CWC25: variants seen among roughly 807,000 people sequenced by gnomAD.
CWC25 encodes the protein pre-mRNA-splicing factor CWC25 homolog.
A neutral mutation model predicts 54.6 loss-of-function variants in CWC25; 31 were observed. The ratio of observed to expected loss-of-function variants is 0.57; its 90% CI spans 0.43 to 0.77. The LOEUF (loss-of-function observed/expected upper bound fraction) is 0.77. CWC25 is among the 30% of genes least tolerant of loss of function. The pLI is 0.00. For missense variants in CWC25, 453 were observed against 529.3 expected, an observed-to-expected ratio of 0.86 and a Z score of 1.41; for synonymous variants, 151 against 187.0, an observed-to-expected ratio of 0.81 and a Z score of 1.57.
At chr17:38,824,276 T>A (rs1019277391) in intron 1 of CWC25, among the ~76,000 whole-genome samples, 24 of 152,178 alleles carry the variant, frequency 1.6e-4, no homozygotes, top group African/African-American at 5.8e-4. Context: ...CATTGCCACA[T>A]AACTTATATT....
intron 8 of CWC25, 121 bp downstream of exon 8, chr17:38,806,176 C>T: frequency 2.4e-6 from 2 of 832,330 alleles, no homozygotes; most frequent in Non-Finnish European, 3.9e-6. Flanking sequence ...TACAGGTTGG[C>T]AAGATAAATA....
chr17:38,802,674 C>T (rs941439674), intron 9 of CWC25, 26 bp downstream of exon 9: 1 of 1,612,630 alleles, frequency 6.2e-7, no homozygotes, highest in South Asian at 1.1e-5. Context: ...CCATGAAAGA[C>T]CCTGGCAGGA....
chr17:38,804,023 C>A (rs780636336), intron 8 of CWC25, among the ~76,000 whole-genome samples: 2 of 152,028 alleles, frequency 1.3e-5, no homozygotes, highest in African/African-American at 2.4e-5. Context: ...CCAACCTAGG[C>A]AACAGAGTGA....
chr17:38,816,446 C>G (rs1452913923), intron 2 of CWC25, among the ~76,000 whole-genome samples: 2 of 151,784 alleles, frequency 1.3e-5, no homozygotes, highest in African/African-American at 4.8e-5. Context: ...ACAGATGGGA[C>G]TTGCTATGTT....
intron 4 of CWC25, among the ~76,000 whole-genome samples, chr17:38,812,587 A>G (rs1391342178): frequency 6.6e-6 from 1 of 152,056 alleles, no homozygotes; most frequent in African/African-American, 2.4e-5. Context: ...AGATCATGCC[A>G]TTGCACTCCA....
At chr17:38,811,834 G>A (rs1330185921) in intron 4 of CWC25, among the ~76,000 whole-genome samples, 3 of 152,118 alleles carry the variant, frequency 2.0e-5, no homozygotes, top group Admixed American at 2.0e-4. Context: ...CAATTCCACT[G>A]AAAGCAGTCA....
intron 2 of CWC25, among the ~76,000 whole-genome samples, chr17:38,818,980 G>A (rs1397884877): frequency 6.6e-6 from 1 of 151,946 alleles, no homozygotes; most frequent in South Asian, 2.1e-4. Flanking sequence ...CTCGGCTTAT[G>A]ACTAATGGGT....
chr17:38,823,422 G>C (rs1398349269), intron 1 of CWC25, among the ~76,000 whole-genome samples: 3 of 151,158 alleles, frequency 2.0e-5, no homozygotes, highest in East Asian at 3.9e-4. Context: ...CTCCCAAAGT[G>C]CTGGGATTAC....
intron 1 of CWC25, among the ~76,000 whole-genome samples, chr17:38,821,545 C>A (rs1254565616): frequency 6.6e-6 from 1 of 152,144 alleles, no homozygotes; most frequent in Admixed American, 6.6e-5. Context: ...GGCGACAGAG[C>A]AAGACTCCGT....
At chr17:38,812,088 A>G (rs1911513293) in intron 4 of CWC25, among the ~76,000 whole-genome samples, 1 of 152,058 alleles carries the variant, frequency 6.6e-6, no homozygotes, top group East Asian at 1.9e-4. Flanking sequence ...ACAGGCATGA[A>G]CCACCACCCC....
At position 38,801,757 on chromosome 17, in the gene CWC25, A is replaced by G; in HGVS notation, c.*335T>C. ...GGTCTGGTGTACGCTGAGGCAGTGA[A>G]ATAGGTCTGTTGGCACAGGTAAGAA... On this transcript the variant is annotated 3_prime_UTR_variant, in exon 10 of 10. Coordinates refer to ENST00000614790, the MANE Select transcript of CWC25 (RefSeq NM_017748.5). 1 of 204,100 alleles carries G rather than the reference A, an allele frequency of 4.9e-6. No individual in the cohort carries two copies. The highest frequency in any genetic ancestry group is 9.8e-6 in the Non-Finnish European group (1 of 101,892). The allele number at this position is 204,100 out of a possible 1,614,324, so 12.6% of individuals were successfully genotyped here.
intron 2 of CWC25, among the ~76,000 whole-genome samples, chr17:38,816,042 G>T (rs1911684351): frequency 6.6e-6 from 1 of 152,098 alleles, no homozygotes; most frequent in South Asian, 2.1e-4. Flanking sequence ...ACAGCATCAT[G>T]CCACACAAAC....
At chr17:38,817,069 G>A (rs570826313) in intron 2 of CWC25, among the ~76,000 whole-genome samples, 4,711 of 151,658 alleles carry the variant, frequency 0.031, 229 homozygotes, top group African/African-American at 0.11. Flanking sequence ...AGCTGGGCAC[G>A]GTGGCTCACA....
At chr17:38,803,654 G>A (rs1280549733) in intron 8 of CWC25, among the ~76,000 whole-genome samples, 1 of 150,648 alleles carries the variant, frequency 6.6e-6, no homozygotes, top group African/African-American at 2.4e-5. Context: ...ACCTCCAAAC[G>A]AAAAACAATT....
intron 4 of CWC25, 130 bp downstream of exon 4, chr17:38,812,665 T>C: frequency 1.8e-6 from 1 of 567,128 alleles, no homozygotes; most frequent in Non-Finnish European, 3.2e-6. Context: ...AGCCACAACA[T>C]GGTCTCTAAA....
chr17:38,810,154 A>T, intron 5 of CWC25: 3 of 436,348 alleles, frequency 6.9e-6, no homozygotes, highest in Non-Finnish European at 1.2e-5. Flanking sequence ...GTCTTGAAGG[A>T]ATCCTAAGCT....
intron 6 of CWC25, among the ~76,000 whole-genome samples, chr17:38,809,470 G>C (rs919759688): frequency 3.3e-5 from 5 of 151,960 alleles, no homozygotes; most frequent in Non-Finnish European, 5.9e-5. Context: ...TAAAATGTGT[G>C]CATTTCATGT....
chr17:38,817,019 G>A (rs1000476940), intron 2 of CWC25, among the ~76,000 whole-genome samples: 2 of 151,346 alleles, frequency 1.3e-5, no homozygotes, highest in African/African-American at 4.9e-5. Context: ...TTAAAAAAAT[G>A]AGTCTGAGAA....
intron 1 of CWC25, among the ~76,000 whole-genome samples, chr17:38,824,603 T>G (rs1416497873): frequency 4.0e-5 from 6 of 151,882 alleles, no homozygotes; most frequent in African/African-American, 7.3e-5. Context: ...GGAGAATCGC[T>G]TGAACCCAGG....
Sources: allele counts gnomAD v4.1 joint callset (sites outside exome capture counted in the v4.1 genomes callset), GRCh38; gene constraint gnomAD v4.1.1; transcripts MANE v1.5; gene names NCBI Gene and HGNC (gene_info 2026-07-23, HGNC 2026-07-21).